The following ELOVL5 variants were observed in gnomAD, a reference collection of about 807,000 sequenced individuals.
The protein encoded by ELOVL5 is ELOVL fatty acid elongase 5.
Under a neutral mutation model 38.6 loss-of-function variants are expected in ELOVL5, and 8 were observed. The ratio of observed to expected loss-of-function variants is 0.21; its 90% confidence interval spans 0.12 to 0.37. ELOVL5 has a LOEUF of 0.37. ELOVL5 is among the 10% of genes least tolerant of loss of function. ELOVL5 has a pLI of 1.00. For synonymous variants in ELOVL5, 127 were observed against 133.7 expected, an observed-to-expected ratio of 0.95 and a Z score of 0.34; for missense variants, 280 against 367.8, an observed-to-expected ratio of 0.76 and a Z score of 1.95.
intron 1 of ELOVL5, among the ~76,000 whole-genome samples, chr6:53,333,993 T>C (rs1375091152): frequency 6.6e-6 from 1 of 152,132 alleles, no homozygotes; most frequent in Non-Finnish European, 1.5e-5. Context: ...CAATCTCTAA[T>C]GTCAATATGG....
chr6:53,281,884 C>A (rs1459087363), intron 3 of ELOVL5, among the ~76,000 whole-genome samples: 1 of 151,592 alleles, frequency 6.6e-6, no homozygotes, highest in African/African-American at 2.4e-5. Context: ...GAACGTAACA[C>A]TCTTGGCTAA....
intron 1 of ELOVL5, among the ~76,000 whole-genome samples, chr6:53,311,918 G>A (rs919689192): frequency 6.6e-6 from 1 of 152,130 alleles, no homozygotes; most frequent in African/African-American, 2.4e-5. Context: ...TTAAGAAAAG[G>A]AGAGGTACTT....
rs75001914 is a variant in ELOVL5 at position 53,316,657 on chromosome 6, G to A, written c.-8-20950C>T. ...GCCCTCCAAAGGCACAGCAGGAGAG[G>A]GAATGCAGGGGTCACATGGGAGAGA... is the stretch of plus-strand genomic sequence containing the variant. On this transcript the variant is annotated intron_variant, in intron 1 of 7. Transcript: ENST00000304434. Among the ~76,000 whole-genome samples the A allele has an allele frequency of 3.6e-3, 547 of 151,882 alleles. 5 individuals are homozygous for A. Among genetic ancestry groups the A allele is most frequent in the African/African-American group, 0.013 (527 of 41,380 alleles).
In ELOVL5 at chr6:53,273,062, GAA is replaced by G. The variant is rs535445676; in HGVS notation, c.621+156_621+157del. Among the ~76,000 whole-genome samples the G allele has an allele frequency of 1.8e-3, 280 of 152,244 alleles. 4 individuals are homozygous for G. Among genetic ancestry groups the G allele is most frequent in the Non-Finnish European group, 1.6e-3 (106 of 68,006 alleles). On this transcript the variant is annotated intron_variant, in intron 6 of 7. Coordinates refer to ENST00000304434, the MANE Select transcript of ELOVL5 (RefSeq NM_021814.5). ...ACAGTTCACTATCAGTTCAAAACAA[GAA>G]AATTCCCTAATCTACCCACTTCAAG... is the stretch of plus-strand genomic sequence containing the variant.
In ELOVL5 at chr6:53,348,921, C is replaced by A; in HGVS notation, c.-113G>T. 2.2e-6 allele frequency: 1 copy of A among 446,702 alleles called. No individual in the cohort carries two copies. Among genetic ancestry groups the A allele is most frequent in the Non-Finnish European group, 4.5e-6 (1 of 222,332 alleles). The allele number at this position is 446,702 out of a possible 1,614,324, so 27.7% of individuals were successfully genotyped here. A position where few individuals can be genotyped will look rare whatever the true frequency, so the allele number is the denominator to read the frequency against. ...CAGAGGCGGATGTAGAAGGAGACAC[C>A]GGTGGCTAGGACCCGCGCGATGGGA... On this transcript the variant is annotated 5_prime_UTR_variant, in exon 1 of 8. Transcript: ENST00000304434.
intron 1 of ELOVL5, among the ~76,000 whole-genome samples, chr6:53,336,295 T>C (rs1769064292): frequency 6.6e-6 from 1 of 152,188 alleles, no homozygotes; most frequent in African/African-American, 2.4e-5. Context: ...CTGAGGCAGA[T>C]AAGCTCTGTC....
At chr6:53,306,823 C>T (rs74705698) in intron 1 of ELOVL5, among the ~76,000 whole-genome samples, 9,462 of 152,326 alleles carry the variant, frequency 0.062, 593 homozygotes, top group Admixed American at 0.22. Context: ...GTGAAGCACA[C>T]TGTTATTTGG....
chr6:53,333,813 T>C (rs1002693790), intron 1 of ELOVL5, among the ~76,000 whole-genome samples: 1 of 152,216 alleles, frequency 6.6e-6, no homozygotes, highest in African/African-American at 2.4e-5. Context: ...ATATAGGATT[T>C]AAAATTTTTA....
intron 2 of ELOVL5, among the ~76,000 whole-genome samples, chr6:53,293,671 C>T (rs984115848): frequency 3.3e-5 from 5 of 152,160 alleles, no homozygotes; most frequent in South Asian, 2.1e-4. Context: ...TCTCTCCAGT[C>T]GTTTTCACCT....
At chr6:53,292,977 G>C (rs1425503225) in intron 2 of ELOVL5, among the ~76,000 whole-genome samples, 1 of 152,154 alleles carries the variant, frequency 6.6e-6, no homozygotes, top group Non-Finnish European at 1.5e-5. Context: ...CTTAGGCAGG[G>C]AGGAGGGAGA....
chr6:53,344,065 T>A (rs1441444730), intron 1 of ELOVL5, among the ~76,000 whole-genome samples: 1 of 152,204 alleles, frequency 6.6e-6, no homozygotes, highest in Non-Finnish European at 1.5e-5. Context: ...TCTACCCAGA[T>A]GTGAAATGTG....
chr6:53,306,932 T>G (rs957310842), intron 1 of ELOVL5, among the ~76,000 whole-genome samples: 5 of 152,156 alleles, frequency 3.3e-5, no homozygotes, highest in Non-Finnish European at 7.3e-5. Flanking sequence ...ACATAGAACT[T>G]TGCTGACAGT....
intron 1 of ELOVL5, among the ~76,000 whole-genome samples, chr6:53,311,149 C>G (rs1003857633): frequency 6.6e-6 from 1 of 152,156 alleles, no homozygotes. Flanking sequence ...ACAATTTTCT[C>G]TTCCACAAAA....
intron 1 of ELOVL5, among the ~76,000 whole-genome samples, chr6:53,330,466 C>T (rs2127591219): frequency 6.7e-6 from 1 of 148,506 alleles, no homozygotes; most frequent in South Asian, 2.1e-4. Flanking sequence ...ATTTTTTCTT[C>T]CTCAATAATA....
chr6:53,339,900 A>G (rs1769253523), intron 1 of ELOVL5, among the ~76,000 whole-genome samples: 1 of 152,242 alleles, frequency 6.6e-6, no homozygotes, highest in Non-Finnish European at 1.5e-5. Context: ...TTGTTGTCAT[A>G]GGAAATGACA....
rs1340771844 is a variant in ELOVL5 at position 53,270,813 on chromosome 6, T to G, written c.622-86A>C. The G allele has an allele frequency of 2.0e-6, 3 of 1,520,788 alleles. No individual in the cohort carries two copies. In the African/African-American group the frequency reaches 4.1e-5, roughly 21 times the overall value. The allele number at this position is 1,520,788 out of a possible 1,614,324, so 94.2% of individuals were successfully genotyped here. A position where few individuals can be genotyped will look rare whatever the true frequency, so the allele number is the denominator to read the frequency against. Reference sequence around the variant, plus strand: ...GGCAGACTTTTTAACCAGCATCACCTAAATTTCTGAATTAACACTTACTAC... The same window carrying G: ...GGCAGACTTTTTAACCAGCATCACCGAAATTTCTGAATTAACACTTACTAC... On this transcript the variant is annotated intron_variant, in intron 6 of 7. Coordinates refer to ENST00000304434, the MANE Select transcript of ELOVL5 (RefSeq NM_021814.5).
In ELOVL5 at chr6:53,274,967, T is replaced by C. The variant is rs190458291; in HGVS notation, c.496+123A>G. The C allele has an allele frequency of 3.3e-4, 314 of 950,424 alleles. 2 individuals are homozygous for C. In the East Asian group the frequency reaches 5.7e-3, roughly 17 times the overall value. 58.9% of individuals were successfully genotyped at this position (950,424 alleles called of 1,614,324 possible). ...TACATAAACTATCATTAAAAGCAAC[T>C]TGAACACAAAGCTGAAAGCCTGACC... On this transcript the variant is annotated intron_variant, in intron 5 of 7. Transcript: ENST00000304434.
chr6:53,319,198 T>C (rs1019352432), intron 1 of ELOVL5, among the ~76,000 whole-genome samples: 13 of 137,656 alleles, frequency 9.4e-5, no homozygotes, highest in African/African-American at 3.7e-4. Context: ...GTGAACCCGG[T>C]AGGCGGAGCT....
At chr6:53,326,129 A>T (rs532136406) in intron 1 of ELOVL5, among the ~76,000 whole-genome samples, 2 of 152,350 alleles carry the variant, frequency 1.3e-5, no homozygotes, top group South Asian at 4.1e-4. Flanking sequence ...GTAGGGTATC[A>T]GAATAACTCA....
Sources: allele counts gnomAD v4.1 joint callset (sites outside exome capture counted in the v4.1 genomes callset), GRCh38; gene constraint gnomAD v4.1.1; transcripts MANE v1.5; gene names NCBI Gene and HGNC (gene_info 2026-07-23, HGNC 2026-07-21).